The following PCDHA7 variants were observed in gnomAD, a reference collection of about 807,000 sequenced individuals.
PCDHA7 encodes the protein protocadherin alpha-7.
A neutral mutation model predicts 57.2 loss-of-function variants in PCDHA7; 37 were observed. The ratio of observed to expected loss-of-function variants is 0.65; its 90% confidence interval spans 0.50 to 0.85. The LOEUF is 0.85. PCDHA7 is among the 40% of genes least tolerant of loss of function. The pLI is 0.00. For synonymous variants in PCDHA7, 553 were observed against 558.8 expected (o/e 0.99, Z 0.15); for missense variants, 1,188 against 1,241.8 (o/e 0.96, Z 0.65).
intron 1 of PCDHA7, among the ~76,000 whole-genome samples, chr5:140,930,607 G>T (rs536411934): frequency 2.4e-4 from 36 of 152,252 alleles, no homozygotes; most frequent in African/African-American, 7.5e-4. Flanking sequence ...AATCCTAGAT[G>T]CAAGAGAAGG....
chr5:140,849,764 G>A, intron 1 of PCDHA7: 1 of 1,598,518 alleles, frequency 6.3e-7, no homozygotes, highest in South Asian at 1.1e-5. Context: ...CCTACGAGCT[G>A]GTGGTTACCG....
At chr5:140,866,727 T>C (rs1254232410) in intron 1 of PCDHA7, 1 of 152,170 alleles carries the variant, frequency 6.6e-6, no homozygotes, top group East Asian at 1.9e-4. Context: ...CATTAAACTA[T>C]GCACTCTAAT....
Position 140,900,863 on chromosome 5 carries a change from G to A in PCDHA7, c.2355+64125G>A, listed in dbSNP as rs116648446. 4.1e-3 allele frequency among the ~76,000 whole-genome samples: 626 copies of A among 152,044 alleles called. 2 individuals are homozygous for A. Among genetic ancestry groups the A allele is most frequent in the African/African-American group, 0.014 (595 of 41,452 alleles). Reference sequence around the variant, plus strand: ...AGTTTCCCTTTTTTTCACCTCTCCAGCATTTTTTATTGCCTGTCATTTGGA... The same window carrying A: ...AGTTTCCCTTTTTTTCACCTCTCCAACATTTTTTATTGCCTGTCATTTGGA... On this transcript the variant is annotated intron_variant, in intron 1 of 3. Transcript: ENST00000525929.
chr5:140,874,266 T>C (rs1554167103), intron 1 of PCDHA7, among the ~76,000 whole-genome samples: 2 of 152,222 alleles, frequency 1.3e-5, no homozygotes, highest in Admixed American at 1.3e-4. Context: ...TTGACTTGAG[T>C]ATTAATAGAC....
Position 140,834,581 on chromosome 5 carries a change from G to A in PCDHA7, c.198G>A (p.Ala66=), listed in dbSNP as rs1554134342. Residue 66 remains alanine (A), a synonymous_variant, in exon 1 of 4, where the codon GCG becomes GCA. Coordinates refer to ENST00000525929, the MANE Select transcript of PCDHA7 (RefSeq NM_018910.3). The stretch of plus-strand genomic sequence containing the variant: ...AGCTGGTGCCGCGCCTGTTCCGGGC[G>A]GTGTGCAAATTCCGTGGGGATCTTC... ...LAELVPRLFR[A]VCKFRGDLLE... The A allele has an allele frequency of 3.1e-6, 5 of 1,614,006 alleles. No individual in the cohort carries two copies. In the East Asian group the frequency reaches 6.7e-5, roughly 22 times the overall value.
chr5:140,894,827 T>G (rs2064691411), intron 1 of PCDHA7, among the ~76,000 whole-genome samples: 1 of 152,192 alleles, frequency 6.6e-6, no homozygotes, highest in South Asian at 2.1e-4. Flanking sequence ...TTGCCCATAA[T>G]CCTTTTCTTA....
At chr5:140,999,521 T>C (rs1554256849) in intron 3 of PCDHA7, among the ~76,000 whole-genome samples, 1 of 152,106 alleles carries the variant, frequency 6.6e-6, no homozygotes, top group Non-Finnish European at 1.5e-5. Flanking sequence ...AGCATTTTGT[T>C]ACCCCCTGGA....
At position 141,010,025 on chromosome 5, in the gene PCDHA7, A is replaced by T; in HGVS notation, c.*88A>T. On this transcript the variant is annotated 3_prime_UTR_variant, in exon 4 of 4. Coordinates refer to ENST00000525929, the MANE Select transcript of PCDHA7 (RefSeq NM_018910.3). ...TAGCAATTCCCTGCTCCTTTTTCCT[A>T]TCTACATGAGCCCTCTTAGAGACCT... The T allele has an allele frequency of 6.4e-7, 1 of 1,573,940 alleles. No homozygotes were observed. The highest frequency in any genetic ancestry group is 1.2e-5 in the South Asian group (1 of 82,592).
chr5:140,913,219 C>A (rs2076256091), intron 1 of PCDHA7, among the ~76,000 whole-genome samples: 2 of 152,122 alleles, frequency 1.3e-5, no homozygotes, highest in Non-Finnish European at 2.9e-5. Context: ...GGGTCCCAGG[C>A]TTTACTTTGC....
chr5:140,953,963 G>A lies in PCDHA7; in HGVS notation c.2356-24986G>A, dbSNP rs193094168. ...CATTGCTCCCCCAACAGGCCCCAGT[G>A]TGTGTTGTTCCCCTTCATATTTTCA... On this transcript the variant is annotated intron_variant, in intron 1 of 3. Transcript: ENST00000525929. Among the ~76,000 whole-genome samples the A allele has an allele frequency of 2.1e-3, 322 of 152,136 alleles. 11 individuals carry two copies. Among genetic ancestry groups the A allele is most frequent in the Admixed American group, 0.021 (314 of 15,274 alleles).
chr5:140,884,308 G>T, intron 1 of PCDHA7: 1 of 1,613,766 alleles, frequency 6.2e-7, no homozygotes. Flanking sequence ...AGGCTTCGTC[G>T]AGGGCGTCGG....
intron 1 of PCDHA7, chr5:140,929,202 G>T (rs2085922750): frequency 1.2e-6 from 2 of 1,613,984 alleles, no homozygotes; most frequent in African/African-American, 1.3e-5. Context: ...ACAGTTTGCT[G>T]TTGCGTGGGG....
At chr5:140,875,221 A>G (rs2055359390) in intron 1 of PCDHA7, 3 of 759,332 alleles carry the variant, frequency 4.0e-6, no homozygotes, top group South Asian at 3.3e-5. Flanking sequence ...AAAGAACCTC[A>G]GGATCTTTCT....
rs2150297287 is a variant in PCDHA7, at chr5:140,839,391, T to C, written c.2355+2653T>C. Among the ~76,000 whole-genome samples, 80 of 151,830 alleles carry C rather than the reference T, an allele frequency of 5.3e-4. 1 individual carries two copies. The highest frequency in any genetic ancestry group is 1.8e-3 in the African/African-American group (75 of 41,346). On this transcript the variant is annotated intron_variant, in intron 1 of 3. Transcript: ENST00000525929. ...TATTCATCAATTATTATGATGATGATGATGATTATTATTTTTGAGACAGGG... is the reference window on the plus strand; with the variant it reads ...TATTCATCAATTATTATGATGATGACGATGATTATTATTTTTGAGACAGGG...
intron 3 of PCDHA7, among the ~76,000 whole-genome samples, chr5:141,008,842 T>C (rs1554261951): frequency 6.6e-6 from 1 of 152,214 alleles, no homozygotes; most frequent in East Asian, 1.9e-4. Context: ...TCTTACGCTG[T>C]GTATTCCCAT....
chr5:140,872,471 T>TA (rs1468696649), intron 1 of PCDHA7, among the ~76,000 whole-genome samples: 3 of 152,026 alleles, frequency 2.0e-5, no homozygotes, highest in Non-Finnish European at 4.4e-5. Context: ...TATAAAAAAT[T>TA]AAAAAATTAG....
intron 1 of PCDHA7, among the ~76,000 whole-genome samples, chr5:140,911,234 C>A (rs1554194655): frequency 6.6e-6 from 1 of 151,890 alleles, no homozygotes; most frequent in South Asian, 2.1e-4. Context: ...TTTCTTCTGG[C>A]AAAAAAAGTT....
chr5:140,952,923 C>CAGGA (rs1455819119), intron 1 of PCDHA7, among the ~76,000 whole-genome samples: 1 of 151,990 alleles, frequency 6.6e-6, no homozygotes, highest in Non-Finnish European at 1.5e-5. Flanking sequence ...ATGGCATGAG[C>CAGGA]AGGAGCAGGA....
intron 1 of PCDHA7, chr5:140,884,510 T>C: frequency 3.1e-6 from 5 of 1,613,982 alleles, no homozygotes; most frequent in Non-Finnish European, 3.4e-6. Context: ...GGCAGGGAGT[T>C]GGTCGTACTC....
Sources: gnomAD v4.1 joint callset for allele counts (sites outside exome capture counted in the v4.1 genomes callset) on GRCh38, gnomAD v4.1.1 for gene constraint, MANE v1.5 for transcripts, NCBI Gene and HGNC (gene_info 2026-07-23, HGNC 2026-07-21) for gene names.